The following ANO3 variants were observed in gnomAD, a reference collection of about 807,000 sequenced individuals.
ANO3 encodes anoctamin-3.
Under a neutral mutation model 144.8 loss-of-function variants are expected in ANO3, and 99 were observed. The observed-to-expected ratio is 0.68, with a 90% CI of 0.58 to 0.81. ANO3 has a LOEUF of 0.81. Ranked by LOEUF, ANO3 falls within the 30% of genes least tolerant of loss-of-function variation. ANO3 has a pLI of 0.00. For synonymous variants in ANO3, 414 were observed against 392.6 expected (o/e 1.05, Z -0.64); for missense variants, 905 against 1,202.2 (o/e 0.75, Z 3.66).
chr11:26,366,883 T>A (rs866497099), intron 1 of ANO3, among the ~76,000 whole-genome samples: 23 of 152,132 alleles, frequency 1.5e-4, no homozygotes, highest in Admixed American at 2.6e-4. Flanking sequence ...TATTAGCCCT[T>A]TGTCAGATGA....
In ANO3 at chr11:26,194,491, AT is replaced by A. The variant is rs1564912026; in HGVS notation, c.154+5164del. On this transcript the variant is annotated intron_variant, in intron 1 of 27. Transcript: ENST00000672621. ...GTGTGTGTGTGTGTGTGTGTGTATT[AT>A]TTATTTATTTATTTATTTATTATTT... Among the ~76,000 whole-genome samples, 183 of 25,406 alleles carry A rather than the reference AT, an allele frequency of 7.2e-3. 1 individual carries two copies. Among genetic ancestry groups the A allele is most frequent in the African/African-American group, 0.019 (120 of 6,154 alleles). 16.7% of individuals were successfully genotyped at this position (25,406 alleles called of 152,430 possible). A position where few individuals can be genotyped will look rare whatever the true frequency, so the allele number is the denominator to read the frequency against.
chr11:26,538,476 T>G (rs1590485924), intron 10 of ANO3, among the ~76,000 whole-genome samples: 1 of 152,192 alleles, frequency 6.6e-6, no homozygotes, highest in Non-Finnish European at 1.5e-5. Context: ...CTTATTATTC[T>G]TATTTTACAG....
At position 26,537,470 on chromosome 11, in the gene ANO3, G is replaced by A. The variant is rs1175179058; in HGVS notation, c.1032+9G>A. The stretch of plus-strand genomic sequence containing the variant: ...CGTTTCCACCACATGAGGTAATTTT[G>A]AAATACAGTTTCCGCTTTATAAACA... On this transcript the variant is annotated intron_variant, in intron 10 of 26. Transcript: ENST00000256737. 1.2e-6 allele frequency: 2 copies of A among 1,610,764 alleles called. No individual in the cohort carries two copies. The highest frequency in any genetic ancestry group is 1.7e-6 in the Non-Finnish European group (2 of 1,176,966).
At chr11:26,531,067 A>G in intron 7 of ANO3, 138 bp from the exon 8 acceptor site, 5 of 834,932 alleles carry the variant, frequency 6.0e-6, no homozygotes, top group Non-Finnish European at 9.0e-6. Flanking sequence ...GAAGCAATGC[A>G]CGTGTATGTG....
intron 4 of ANO3, among the ~76,000 whole-genome samples, chr11:26,476,133 T>A (rs1271754977): frequency 6.6e-6 from 1 of 152,130 alleles, no homozygotes; most frequent in South Asian, 2.1e-4. Context: ...ATTTTGAGAA[T>A]TCACCATGTG....
In ANO3 at chr11:26,572,055, G is replaced by A. The variant is rs1850850092; in HGVS notation, c.1447+12276G>A. ...CGCACACTTACCTTCAGGCTTAGGA[G>A]GTATTTACAATCAGGAACTGAAATA... On this transcript the variant is annotated intron_variant, in intron 14 of 26. Transcript: ENST00000256737. The A allele has an allele frequency of 7.1e-6, 7 of 984,598 alleles. No homozygotes were observed. In the South Asian group the frequency reaches 2.8e-4, roughly 40 times the overall value. The allele number at this position is 984,598 out of a possible 1,614,324, so 61.0% of individuals were successfully genotyped here. A position where few individuals can be genotyped will look rare whatever the true frequency, so the allele number is the denominator to read the frequency against.
chr11:26,648,050 G>A (rs1291583124), intron 24 of ANO3, among the ~76,000 whole-genome samples, 194 bp downstream of exon 24: 4 of 152,018 alleles, frequency 2.6e-5, no homozygotes, highest in African/African-American at 4.8e-5. Flanking sequence ...CTTAGAGTCC[G>A]TCTACTGTTT....
chr11:26,246,456 T>TTATATATATATATATATA (rs150219099), intron 1 of ANO3, among the ~76,000 whole-genome samples: 18 of 140,024 alleles, frequency 1.3e-4, no homozygotes, highest in African/African-American at 4.2e-4. Context: ...AGTGTAGTCT[T>TTATATATATATATATATA]TATATATATA....
chr11:26,373,985 T>G (rs1856334081), intron 1 of ANO3, among the ~76,000 whole-genome samples: 1 of 152,178 alleles, frequency 6.6e-6, no homozygotes, highest in South Asian at 2.1e-4. Flanking sequence ...TTATATAGAT[T>G]TAAATCATAT....
At chr11:26,210,342 T>C (rs1851906570) in intron 1 of ANO3, among the ~76,000 whole-genome samples, 1 of 152,210 alleles carries the variant, frequency 6.6e-6, no homozygotes, top group South Asian at 2.1e-4. Flanking sequence ...CACTGGACTA[T>C]GTATCTGTGT....
Position 26,634,217 on chromosome 11 carries a change from A to G in ANO3, c.1887A>G (p.Thr629=), listed in dbSNP as rs1852878385. ...TGTTCCTTTTAGAATATCCTCGAAC[A>G]GAATCAGAGTGGGAAAACAGCTTCG... ...YLLTNLEYPR[T]ESEWENSFAL... The change falls in exon 19 of 27, where the codon ACA becomes ACG. Residue 629 remains threonine (T), a synonymous_variant. Transcript: ENST00000256737. 6.2e-7 allele frequency: 1 copy of G among 1,613,102 alleles called. No individual in the cohort carries two copies. The highest frequency in any genetic ancestry group is 1.3e-5 in the African/African-American group (1 of 74,912).
At chr11:26,631,967 G>C (rs7112752) in intron 18 of ANO3, among the ~76,000 whole-genome samples, 25,876 of 151,924 alleles carry the variant, frequency 0.17, 2,581 homozygotes, top group East Asian at 0.33. Context: ...ATCACTTGAG[G>C]TCAGGAGTTC....
chr11:26,512,390 C>A (rs1402234227), intron 5 of ANO3, among the ~76,000 whole-genome samples: 2 of 152,152 alleles, frequency 1.3e-5, no homozygotes, highest in Non-Finnish European at 2.9e-5. Flanking sequence ...CAGAGCTGAA[C>A]AGAATAGTGC....
chr11:26,557,716 C>T (rs1850129977), intron 13 of ANO3, among the ~76,000 whole-genome samples: 1 of 152,118 alleles, frequency 6.6e-6, no homozygotes, highest in East Asian at 1.9e-4. Flanking sequence ...ATTCTTCTGT[C>T]AATCACCCAT....
chr11:26,202,958 A>T (rs1229539761), intron 1 of ANO3, among the ~76,000 whole-genome samples: 2 of 152,118 alleles, frequency 1.3e-5, no homozygotes, highest in Non-Finnish European at 1.5e-5. Context: ...TTAAATGAGT[A>T]CTAATGGAGC....
intron 1 of ANO3, among the ~76,000 whole-genome samples, chr11:26,393,377 CACA>C (rs1156687409): frequency 6.6e-6 from 1 of 151,924 alleles, no homozygotes; most frequent in African/African-American, 2.4e-5. Context: ...GAAGCATGAA[CACA>C]ACAACACTGC....
chr11:26,526,834 A>G (rs1422743002), intron 7 of ANO3, among the ~76,000 whole-genome samples: 1 of 152,022 alleles, frequency 6.6e-6, no homozygotes, highest in Non-Finnish European at 1.5e-5. Context: ...ATGAGCTCTC[A>G]TTTCCCATGT....
chr11:26,534,312 T>C (rs149366458), intron 8 of ANO3, 144 bp from the exon 9 acceptor site: 167 of 545,276 alleles, frequency 3.1e-4, no homozygotes, highest in African/African-American at 2.9e-3. Context: ...ATGAATTCTT[T>C]TTCTCTGTCA....
At chr11:26,600,616 C>T (rs1851776823) in intron 17 of ANO3, among the ~76,000 whole-genome samples, 2 of 130,366 alleles carry the variant, frequency 1.5e-5, no homozygotes, top group African/African-American at 5.9e-5. Flanking sequence ...TCCTTCTTCT[C>T]ACTCCCCCTC....
Sources: allele counts gnomAD v4.1 joint callset (sites outside exome capture counted in the v4.1 genomes callset), GRCh38; gene constraint gnomAD v4.1.1; transcripts MANE v1.5; gene names NCBI Gene and HGNC (gene_info 2026-07-23, HGNC 2026-07-21).